FBXO38: variants seen among roughly 807,000 people sequenced by gnomAD.
FBXO38 encodes F-box only protein 38.
Under a neutral mutation model 131.9 loss-of-function variants are expected in FBXO38, and 53 were observed. The observed-to-expected ratio is 0.40, with a 90% CI of 0.32 to 0.51. The LOEUF is 0.51. Ranked by LOEUF, FBXO38 falls within the 20% of genes least tolerant of loss-of-function variation. The pLI is 0.53. For missense variants in FBXO38, 1,076 were observed against 1,475.6 expected, an observed-to-expected ratio of 0.73 and a Z score of 4.44; for synonymous variants, 452 against 505.6, an observed-to-expected ratio of 0.89 and a Z score of 1.42.
At position 148,433,716 on chromosome 5, in the gene FBXO38, C is replaced by A; in HGVS notation, c.2836C>A (p.Pro946Thr). The A allele has an allele frequency of 6.2e-7, 1 of 1,604,836 alleles. No homozygotes were observed. Among genetic ancestry groups the A allele is most frequent in the Non-Finnish European group, 8.5e-7 (1 of 1,174,250 alleles). ...CACAGATCTAGTGCTAAAAGACTGTCCAAAGATGATGTTCATCCATGGTAT... is the reference window on the plus strand; with the variant it reads ...CACAGATCTAGTGCTAAAAGACTGTACAAAGATGATGTTCATCCATGGTAT... ...GITDLVLKDC[P>T]KMMFIHATRC... Residue 946 changes from proline to threonine, a missense_variant, in exon 17 of 22, where the codon CCA becomes ACA. Coordinates refer to ENST00000340253, the MANE Select transcript of FBXO38 (RefSeq NM_205836.3).
Position 148,433,441 on chromosome 5 carries a change from C to T in FBXO38, c.2671C>T (p.Pro891Ser). Reference protein sequence around the residue: ...VSESEVAKTKPRHAMKRKRTA... With the variant: ...VSESEVAKTKSRHAMKRKRTA... Reference sequence around the variant, plus strand: ...TTTTTTAGAAGTAGCCAAAACAAAGCCACGTCACGCCATGAAACGGAAGCG... The same window carrying T: ...TTTTTTAGAAGTAGCCAAAACAAAGTCACGTCACGCCATGAAACGGAAGCG... The change falls in exon 16 of 22, where the codon CCA (proline) becomes TCA (serine). Residue 891 changes from proline (P) to serine (S), a missense_variant. This residue lies in a region of FBXO38 where 282 missense variants were observed against 418.8 expected (regional missense o/e 0.67). Coordinates refer to ENST00000340253, the MANE Select transcript of FBXO38 (RefSeq NM_205836.3). 1 of 1,612,240 alleles carries T rather than the reference C, an allele frequency of 6.2e-7. No homozygotes were observed. The highest frequency in any genetic ancestry group is 8.5e-7 in the Non-Finnish European group (1 of 1,179,430).
intron 11 of FBXO38, 110 bp from the exon 12 acceptor site, chr5:148,416,884 T>G: frequency 1.5e-6 from 1 of 679,638 alleles, no homozygotes; most frequent in South Asian, 1.8e-5. Context: ...CATAAATAAG[T>G]ACTATATAAA....
intron 1 of FBXO38, chr5:148,384,867 A>G (rs1220848148): frequency 2.0e-5 from 3 of 152,234 alleles, no homozygotes; most frequent in Admixed American, 2.0e-4. Flanking sequence ...AAATCACTAC[A>G]AAGTGAAAAA....
At chr5:148,428,521 A>G (rs1269900258) in intron 15 of FBXO38, among the ~76,000 whole-genome samples, 1 of 152,226 alleles carries the variant, frequency 6.6e-6, no homozygotes, top group South Asian at 2.1e-4. Context: ...ATTTAATTTC[A>G]TTAATGTTTA....
chr5:148,406,140 C>T, intron 6 of FBXO38, 117 bp from the exon 7 acceptor site: 3 of 965,472 alleles, frequency 3.1e-6, no homozygotes, highest in Non-Finnish European at 3.0e-6. Context: ...TTCAGAGAGC[C>T]AATTTGGCTG....
intron 3 of FBXO38, 140 bp downstream of exon 3, chr5:148,399,272 A>G (rs1752004422): frequency 2.2e-6 from 2 of 923,894 alleles, no homozygotes; most frequent in South Asian, 3.5e-5. Flanking sequence ...TAAATTATTT[A>G]TGTTGGGTTT....
intron 12 of FBXO38, among the ~76,000 whole-genome samples, chr5:148,417,407 T>TACAGA (rs1489801980): frequency 3.3e-5 from 5 of 152,146 alleles, no homozygotes; most frequent in Non-Finnish European, 7.4e-5. Context: ...CCACAGACCC[T>TACAGA]ATAAGAATAC....
chr5:148,396,584 A>G (rs1035997940), intron 2 of FBXO38, among the ~76,000 whole-genome samples: 3 of 152,288 alleles, frequency 2.0e-5, no homozygotes, highest in Admixed American at 6.5e-5. Flanking sequence ...AATTGCATCT[A>G]GGGATAAAGT....
At chr5:148,417,245 T>C (rs747769346) in intron 12 of FBXO38, 41 bp downstream of exon 12, 2 of 1,328,872 alleles carry the variant, frequency 1.5e-6, no homozygotes, top group South Asian at 2.4e-5. Context: ...GAAATGATTT[T>C]CACTTTGTAT....
rs1295302813 is a variant in FBXO38 at position 148,439,789 on chromosome 5, A to G, written c.3167A>G (p.Asn1056Ser). The G allele has an allele frequency of 1.9e-6, 3 of 1,613,760 alleles. No individual in the cohort carries two copies. The highest frequency in any genetic ancestry group is 2.7e-5 in the African/African-American group (2 of 74,908). ...TGGATGGACACTATAGCAAACATCAATCAGTAAGTAACTTTGTGGCCCTTA... is the reference window on the plus strand; with the variant it reads ...TGGATGGACACTATAGCAAACATCAGTCAGTAAGTAACTTTGTGGCCCTTA... ...RSWMDTIANI[N>S]QELIKYEFFP... is the part of the protein sequence containing the mutation. The change falls in exon 19 of 22, where the codon AAT (asparagine) becomes AGT (serine). Residue 1056 changes from asparagine (N) to serine (S), a missense_variant. Physicochemically the swap from Asn to Ser is conservative, Grantham distance 46. Transcript: ENST00000340253.
chr5:148,392,581 T>TTGTGTGTGTGTGTGTGTG (rs55667300), intron 1 of FBXO38, among the ~76,000 whole-genome samples: 20 of 141,942 alleles, frequency 1.4e-4, no homozygotes, highest in East Asian at 6.4e-4. Context: ...TTGCTTTTCT[T>TTGTGTGTGTGTGTGTGTG]TGTGTGTGTG....
chr5:148,441,085 A>C (rs764817468), intron 20 of FBXO38, 39 bp from the exon 21 acceptor site: 3 of 1,468,920 alleles, frequency 2.0e-6, no homozygotes, highest in Middle Eastern at 1.7e-4. Flanking sequence ...CTCTGTCAGC[A>C]CTCCCACGCC....
chr5:148,402,663 G>T, intron 5 of FBXO38, 150 bp downstream of exon 5: 1 of 647,832 alleles, frequency 1.5e-6, no homozygotes, highest in Admixed American at 3.3e-5. Context: ...TAAAAATTCC[G>T]ATTTCCCATT....
chr5:148,402,823 G>A (rs1752231676), intron 5 of FBXO38, among the ~76,000 whole-genome samples: 1 of 152,068 alleles, frequency 6.6e-6, no homozygotes, highest in Non-Finnish European at 1.5e-5. Flanking sequence ...GCCACTGAAA[G>A]GAATTCGGGG....
At chr5:148,410,803 A>G (rs760633393) in intron 9 of FBXO38, 38 bp downstream of exon 9, 43 of 1,556,918 alleles carry the variant, frequency 2.8e-5, no homozygotes, top group Non-Finnish European at 3.7e-5. Flanking sequence ...GAATTACTGT[A>G]AGAAATTTAC....
At chr5:148,413,829 A>G (rs1396003261) in intron 9 of FBXO38, 1 of 222,118 alleles carries the variant, frequency 4.5e-6, no homozygotes, top group Non-Finnish European at 8.7e-6. Context: ...CCATGGTATG[A>G]ACCAGTATGA....
At chr5:148,385,567 G>A (rs543477004) in intron 1 of FBXO38, among the ~76,000 whole-genome samples, 60 of 152,316 alleles carry the variant, frequency 3.9e-4, no homozygotes, top group African/African-American at 1.3e-3. Context: ...AAAACGAAGG[G>A]TTGAGCTGGA....
At chr5:148,392,748 G>A (rs1056632267) in intron 1 of FBXO38, among the ~76,000 whole-genome samples, 6 of 152,000 alleles carry the variant, frequency 3.9e-5, no homozygotes, top group African/African-American at 7.3e-5. Flanking sequence ...TATCACTTTC[G>A]GAGCCAAAGG....
Position 148,401,598 on chromosome 5 carries a change from A to C in FBXO38, c.263-384A>C, listed in dbSNP as rs1752154280. Among the ~76,000 whole-genome samples, 3 of 152,152 alleles carry C rather than the reference A, an allele frequency of 2.0e-5. No homozygotes were observed. The South Asian group carries it at 6.2e-4, about 31-fold the overall frequency. ...TTCTATAGAGTCCTGAAGGTTTTAC[A>C]GACGAGAGTACCCATGGGGGAGGAG... On this transcript the variant is annotated intron_variant, in intron 3 of 21. Coordinates refer to ENST00000340253, the MANE Select transcript of FBXO38 (RefSeq NM_205836.3).
Sources: allele counts gnomAD v4.1 joint callset (sites outside exome capture counted in the v4.1 genomes callset), GRCh38; gene constraint gnomAD v4.1.1; regional missense constraint gnomAD v4.1.1; transcripts MANE v1.5; gene names NCBI Gene and HGNC (gene_info 2026-07-23, HGNC 2026-07-21).